Variants in FAM50B observed in about 807,000 individuals in gnomAD.
FAM50B encodes the protein protein FAM50B.
FAM50B carries 9 observed loss-of-function variants against 25.4 expected under a neutral mutation model. The observed-to-expected ratio is 0.35, with a 90% CI of 0.21 to 0.62. The LOEUF (loss-of-function observed/expected upper bound fraction) is 0.62. Ranked by LOEUF, FAM50B falls within the 20% of genes least tolerant of loss-of-function variation. The pLI is 0.73. For synonymous variants in FAM50B, 212 were observed against 204.3 expected (o/e 1.04, Z -0.32); for missense variants, 372 against 477.9 (o/e 0.78, Z 2.07).
At chr6:3,840,173 T>A in the FAM50B span, among the ~76,000 whole-genome samples, 2 of 152,206 alleles carry the variant, frequency 1.3e-5, no homozygotes, top group East Asian at 3.9e-4. Flanking sequence ...TTTGTATTTT[T>A]TAGTAGAGAC....
chr6:3,832,477 G>A, the FAM50B span, among the ~76,000 whole-genome samples: 7 of 152,306 alleles, frequency 4.6e-5, no homozygotes, highest in South Asian at 2.1e-4. Context: ...GCAGCAGCAC[G>A]CTGAGAATGC....
chr6:3,840,429 C>A, the FAM50B span, among the ~76,000 whole-genome samples: 1 of 151,938 alleles, frequency 6.6e-6, no homozygotes, highest in African/African-American at 2.4e-5. Context: ...GCCGAGATCA[C>A]GCCACTGCAC....
rs1376840378 is a variant in FAM50B at position 3,850,568 on chromosome 6, TTCA to T, written c.763_765del (p.Ile255del). The T allele has an allele frequency of 1.2e-6, 2 of 1,614,072 alleles. No homozygotes were observed. Among genetic ancestry groups the T allele is most frequent in the South Asian group, 1.1e-5 (1 of 91,086 alleles). On this transcript the variant is annotated inframe_deletion, in exon 2 of 2. Transcript: ENST00000648326. ...GCCGCACTACCACACCTTCTACGAC[TTCA>T]TCATCGCCAGGGCGAGGGGCAAGAG...
rs1581304295 is a variant in FAM50B, at chr6:3,850,167, G to A, written c.356G>A (p.Cys119Tyr). The change falls in exon 2 of 2, where the codon TGC becomes TAC. Residue 119 changes from cysteine (C) to tyrosine (Y), a missense_variant. This residue lies in a region of FAM50B where 224 missense variants were observed against 232.2 expected (regional missense o/e 0.96). Coordinates refer to ENST00000648326, the MANE Select transcript of FAM50B (RefSeq NM_012135.3). ...CGCGAGCGCAAGCGTAAGATCTCCT[G>A]CCTGTCCTTTGCACTAGACGACCTC... is the stretch of plus-strand genomic sequence containing the variant. ...QRRERKRKIS[C>Y]LSFALDDLDD... is the part of the protein sequence containing the mutation. 1.9e-6 allele frequency: 3 copies of A among 1,613,300 alleles called. No homozygotes were observed. The highest frequency in any genetic ancestry group is 2.5e-6 in the Non-Finnish European group (3 of 1,179,826).
chr6:3,838,829 A>C, the FAM50B span, among the ~76,000 whole-genome samples: 1 of 144,558 alleles, frequency 6.9e-6, no homozygotes, highest in Non-Finnish European at 1.5e-5. Context: ...TGACAGAGCA[A>C]GACTCCATCT....
chr6:3,837,764 C>T, the FAM50B span, among the ~76,000 whole-genome samples: 2 of 149,288 alleles, frequency 1.3e-5, no homozygotes, highest in Admixed American at 1.3e-4. Context: ...AGAGAGGGGG[C>T]CACAAGAGAG....
the FAM50B span, among the ~76,000 whole-genome samples, chr6:3,842,879 T>C: frequency 6.6e-6 from 1 of 152,282 alleles, no homozygotes; most frequent in Non-Finnish European, 1.5e-5. Context: ...ATATTTTATC[T>C]GCAGGGATTG....
chr6:3,834,121 T>C, the FAM50B span, among the ~76,000 whole-genome samples: 1 of 152,124 alleles, frequency 6.6e-6, no homozygotes, highest in African/African-American at 2.4e-5. Flanking sequence ...ACTGACAGTA[T>C]GTTCAGAACT....
upstream of FAM50B, among the ~76,000 whole-genome samples, chr6:3,848,441 T>A (rs1283617943): frequency 6.6e-6 from 1 of 152,178 alleles, no homozygotes; most frequent in Non-Finnish European, 1.5e-5. Context: ...CTTGGACAAT[T>A]TGATGAGGGC....
chr6:3,834,623 A>G, the FAM50B span, among the ~76,000 whole-genome samples: 2 of 152,144 alleles, frequency 1.3e-5, no homozygotes, highest in African/African-American at 4.8e-5. Flanking sequence ...AATTATATAC[A>G]TTAAGTTCTA....
Position 3,851,266 on chromosome 6 carries a change from AATTAAT to A in FAM50B, c.*481_*486del. On this transcript the variant is annotated 3_prime_UTR_variant, in exon 2 of 2. Coordinates refer to ENST00000648326, the MANE Select transcript of FAM50B (RefSeq NM_012135.3). ...ATAAGATTGATGTGAGTATTAAGTGAATTAATATTTGTAAAACGCTTAGCTCTTAAT... is the reference window on the plus strand; with the variant it reads ...ATAAGATTGATGTGAGTATTAAGTGAATTTGTAAAACGCTTAGCTCTTAAT... 1 of 178,476 alleles carries A rather than the reference AATTAAT, an allele frequency of 5.6e-6. No homozygotes were observed. The highest frequency in any genetic ancestry group is 1.3e-5 in the Non-Finnish European group (1 of 75,034). The allele number at this position is 178,476 out of a possible 1,614,324, so 11.1% of individuals were successfully genotyped here.
At chr6:3,842,524 T>C in the FAM50B span, among the ~76,000 whole-genome samples, 1 of 152,348 alleles carries the variant, frequency 6.6e-6, no homozygotes, top group African/African-American at 2.4e-5. Context: ...CATGAGCTCC[T>C]AGCCACTCCC....
the FAM50B span, among the ~76,000 whole-genome samples, chr6:3,834,667 T>C: frequency 6.6e-6 from 1 of 152,144 alleles, no homozygotes; most frequent in African/African-American, 2.4e-5. Flanking sequence ...GAGATGCATA[T>C]ATAAGAATGA....
At chr6:3,839,230 G>A in the FAM50B span, among the ~76,000 whole-genome samples, 3 of 151,760 alleles carry the variant, frequency 2.0e-5, no homozygotes, top group African/African-American at 7.3e-5. Context: ...GAGGGGGGAC[G>A]CAAAAGGAGA....
rs1762214074 is a variant in FAM50B, at chr6:3,850,979, T to A, written c.*190T>A. On this transcript the variant is annotated 3_prime_UTR_variant, in exon 2 of 2. Coordinates refer to ENST00000648326, the MANE Select transcript of FAM50B (RefSeq NM_012135.3). ...GGTTGCTTGGTTGGTCTTTTCTGAG[T>A]ATTTTAGTGTTGCCACCTGGATTTG... 1 of 931,318 alleles carries A rather than the reference T, an allele frequency of 1.1e-6. No homozygotes were observed. Among genetic ancestry groups the A allele is most frequent in the Non-Finnish European group, 1.6e-6 (1 of 629,462 alleles). The allele number at this position is 931,318 out of a possible 1,614,324, so 57.7% of individuals were successfully genotyped here. A position where few individuals can be genotyped will look rare whatever the true frequency, so the allele number is the denominator to read the frequency against.
At chr6:3,844,957 A>G (rs1279037813), upstream of FAM50B, among the ~76,000 whole-genome samples, 1 of 152,206 alleles carries the variant, frequency 6.6e-6, no homozygotes, top group African/African-American at 2.4e-5. Flanking sequence ...AACCTATTGG[A>G]AAAACAAACC....
chr6:3,834,359 C>CAAAAAAAAAAAAAAAAAAAGAAAA, the FAM50B span, among the ~76,000 whole-genome samples: 4 of 75,046 alleles, frequency 5.3e-5, no homozygotes, highest in African/African-American at 1.3e-4. Flanking sequence ...TGATATATGG[C>CAAAAAAAAAAAAAAAAAAAGAAAA]AAAAAAAAAA....
chr6:3,844,953 T>C (rs1189308459), upstream of FAM50B, among the ~76,000 whole-genome samples: 1 of 152,178 alleles, frequency 6.6e-6, no homozygotes, highest in Non-Finnish European at 1.5e-5. Context: ...ACAAAACCTA[T>C]TGGAAAAACA....
At chr6:3,836,045 A>T in the FAM50B span, among the ~76,000 whole-genome samples, 1 of 152,184 alleles carries the variant, frequency 6.6e-6, no homozygotes, top group Non-Finnish European at 1.5e-5. Context: ...TCACAGTGTC[A>T]TATTATCAAT....
Sources: gnomAD v4.1 joint callset for allele counts (sites outside exome capture counted in the v4.1 genomes callset) on GRCh38, gnomAD v4.1.1 for gene constraint, gnomAD v4.1.1 regional missense constraint, MANE v1.5 for transcripts, NCBI Gene and HGNC (gene_info 2026-07-23, HGNC 2026-07-21) for gene names.